Variants in SIPA1L1 observed in about 807,000 individuals in gnomAD.
SIPA1L1 encodes signal induced proliferation associated 1 like 1, also known as signal-induced proliferation-associated 1-like protein 1.
A neutral mutation model predicts 162.7 loss-of-function variants in SIPA1L1; 26 were observed. The observed-to-expected ratio is 0.16, with a 90% CI of 0.12 to 0.22. SIPA1L1 has a LOEUF of 0.22. Ranked by LOEUF, SIPA1L1 falls within the 10% of genes least tolerant of loss-of-function variation. The pLI is 1.00. For missense variants in SIPA1L1, 1,874 were observed against 2,241.0 expected (o/e 0.84, Z 3.31); for synonymous variants, 829 against 837.4 (o/e 0.99, Z 0.17).
chr14:71,709,631 C>A lies in SIPA1L1; in HGVS notation c.4175C>A (p.Thr1392Asn). ...ACCCCTCTGACAAGGGAGAACAGCA[C>A]CTTCAGTATAAACGATGCTGCTTCC... ...GSTPLTRENS[T>N]FSINDAASHT... Residue 1392 changes from threonine to asparagine, a missense_variant, in exon 17 of 24, where the codon ACC becomes AAC. Physicochemically the swap from Thr to Asn is moderately conservative, Grantham distance 65. This residue lies in a region of SIPA1L1 where 936 missense variants were observed against 1,051.9 expected (regional missense o/e 0.89). Coordinates refer to ENST00000381232, the MANE Select transcript of SIPA1L1 (RefSeq NM_001386936.1). 1 of 1,614,054 alleles carries A rather than the reference C, an allele frequency of 6.2e-7. No homozygotes were observed. The highest frequency in any genetic ancestry group is 8.5e-7 in the Non-Finnish European group (1 of 1,179,940).
chr14:71,390,966 A>G (rs1188629986), intron 2 of SIPA1L1, among the ~76,000 whole-genome samples: 3 of 152,154 alleles, frequency 2.0e-5, no homozygotes, highest in African/African-American at 4.8e-5. Flanking sequence ...AAATATATGT[A>G]TCTAATTCTT....
chr14:71,727,486 A>C (rs538350340), intron 19 of SIPA1L1, among the ~76,000 whole-genome samples: 1 of 151,580 alleles, frequency 6.6e-6, no homozygotes, highest in South Asian at 2.1e-4. Context: ...TATAGAATTC[A>C]GACAGTAGAG....
chr14:71,564,852 A>G lies in SIPA1L1; in HGVS notation c.-302-22719A>G, dbSNP rs141096525. 6.7e-4 allele frequency among the ~76,000 whole-genome samples: 102 copies of G among 152,226 alleles called. 1 individual carries two copies. The highest frequency in any genetic ancestry group is 2.4e-3 in the African/African-American group (99 of 41,544). ...TCCGCTTAGTGTAGCTGTCAACTTA[A>G]TAGTAAAATAAGTACTAGTTACTTT... is the stretch of plus-strand genomic sequence containing the variant. On this transcript the variant is annotated intron_variant, in intron 4 of 23. Transcript: ENST00000381232.
intron 2 of SIPA1L1, among the ~76,000 whole-genome samples, chr14:71,495,119 G>T (rs147332017): frequency 6.6e-6 from 1 of 152,258 alleles, no homozygotes; most frequent in African/African-American, 2.4e-5. Context: ...CTCTTGTCTG[G>T]CTTTAGTATT....
At chr14:71,426,808 T>G (rs572466195) in intron 2 of SIPA1L1, among the ~76,000 whole-genome samples, 1 of 152,248 alleles carries the variant, frequency 6.6e-6, no homozygotes, top group East Asian at 1.9e-4. Flanking sequence ...TATACCAGCT[T>G]AACTACATAA....
intron 9 of SIPA1L1, among the ~76,000 whole-genome samples, chr14:71,659,971 T>G (rs548294857): frequency 2.8e-4 from 42 of 152,280 alleles, no homozygotes; most frequent in African/African-American, 9.9e-4. Flanking sequence ...AAATGTATCT[T>G]TAAAAATTCT....
chr14:71,721,669 T>G (rs2083747342), intron 17 of SIPA1L1, among the ~76,000 whole-genome samples: 1 of 152,222 alleles, frequency 6.6e-6, no homozygotes, highest in African/African-American at 2.4e-5. Flanking sequence ...CTCTGTAGTC[T>G]TTCCTTTCCT....
At chr14:71,543,308 T>C (rs1382197377) in intron 4 of SIPA1L1, among the ~76,000 whole-genome samples, 7 of 152,206 alleles carry the variant, frequency 4.6e-5, no homozygotes, top group Non-Finnish European at 7.3e-5. Flanking sequence ...AAGATTTGGG[T>C]TTCTGATTAT....
Position 71,685,422 on chromosome 14 carries a change from A to T in SIPA1L1, c.3165A>T (p.Ser1055=), listed in dbSNP as rs201169378. The T allele has an allele frequency of 1.9e-6, 3 of 1,614,258 alleles. No homozygotes were observed. Among genetic ancestry groups the T allele is most frequent in the Non-Finnish European group, 1.7e-6 (2 of 1,180,042 alleles). Residue 1055 remains serine (S), a synonymous_variant, in exon 13 of 24, where the codon TCA becomes TCT. Coordinates refer to ENST00000381232, the MANE Select transcript of SIPA1L1 (RefSeq NM_001386936.1). The stretch of plus-strand genomic sequence containing the variant: ...AGTACAAAATGAATGAAGGTGTTTC[A>T]TACGAATTCAAGTTTCCCTTCCGAA... ...VMEYKMNEGV[S]YEFKFPFRNN...
chr14:71,604,513 A>C (rs1326914194), intron 5 of SIPA1L1, among the ~76,000 whole-genome samples: 1 of 151,560 alleles, frequency 6.6e-6, no homozygotes, highest in Non-Finnish European at 1.5e-5. Flanking sequence ...TCATTCTTTC[A>C]CTTCCAGGGC....
At chr14:71,340,061 A>T (rs1006919449) in intron 2 of SIPA1L1, among the ~76,000 whole-genome samples, 1 of 152,244 alleles carries the variant, frequency 6.6e-6, no homozygotes, top group Non-Finnish European at 1.5e-5. Flanking sequence ...GTCTGCTTAT[A>T]ATAGGTAGCT....
intron 2 of SIPA1L1, among the ~76,000 whole-genome samples, chr14:71,468,808 T>C (rs925092058): frequency 1.3e-5 from 2 of 152,212 alleles, no homozygotes; most frequent in African/African-American, 4.8e-5. Context: ...ACAGGAGCTA[T>C]ATAAAAACCC....
intron 2 of SIPA1L1, among the ~76,000 whole-genome samples, chr14:71,413,176 A>G (rs577720770): frequency 9.2e-5 from 14 of 152,302 alleles, no homozygotes; most frequent in East Asian, 1.9e-4. Context: ...GTGATGACCA[A>G]AAATGTTACC....
At chr14:71,595,931 T>C (rs2035975160) in intron 5 of SIPA1L1, among the ~76,000 whole-genome samples, 1 of 152,176 alleles carries the variant, frequency 6.6e-6, no homozygotes, top group South Asian at 2.1e-4. Context: ...TTACCCAAAT[T>C]CTAGGTTTCT....
At chr14:71,417,760 G>C (rs2042912114) in intron 2 of SIPA1L1, among the ~76,000 whole-genome samples, 1 of 151,990 alleles carries the variant, frequency 6.6e-6, no homozygotes, top group Non-Finnish European at 1.5e-5. Flanking sequence ...TTGTTGAAGG[G>C]TCAACAGTGC....
At chr14:71,692,094 T>C (rs2081294171) in intron 13 of SIPA1L1, among the ~76,000 whole-genome samples, 1 of 152,312 alleles carries the variant, frequency 6.6e-6, no homozygotes, top group Non-Finnish European at 1.5e-5. Flanking sequence ...TCCTCTACTT[T>C]CCATTTGTGG....
At chr14:71,357,494 C>T (rs1188343220) in intron 2 of SIPA1L1, among the ~76,000 whole-genome samples, 1 of 152,194 alleles carries the variant, frequency 6.6e-6, no homozygotes, top group Non-Finnish European at 1.5e-5. Flanking sequence ...CTGGATTCCC[C>T]ATACTGGGAT....
intron 2 of SIPA1L1, among the ~76,000 whole-genome samples, chr14:71,432,791 TAATTTC>T (rs1261942007): frequency 6.6e-6 from 1 of 152,250 alleles, no homozygotes; most frequent in Non-Finnish European, 1.5e-5. Context: ...CATTTTTATT[TAATTTC>T]ATAGTACTGA....
At chr14:71,462,207 A>G (rs2046654039) in intron 2 of SIPA1L1, among the ~76,000 whole-genome samples, 1 of 152,152 alleles carries the variant, frequency 6.6e-6, no homozygotes, top group Admixed American at 6.5e-5. Flanking sequence ...CTGTCTCTCA[A>G]AAGGAGAGTA....
Sources: gnomAD v4.1 joint callset for allele counts (sites outside exome capture counted in the v4.1 genomes callset) on GRCh38, gnomAD v4.1.1 for gene constraint, gnomAD v4.1.1 regional missense constraint, MANE v1.5 for transcripts, NCBI Gene and HGNC (gene_info 2026-07-23, HGNC 2026-07-21) for gene names.